CLGN: variants seen among roughly 807,000 people sequenced by gnomAD.
CLGN encodes calmegin.
A neutral mutation model predicts 79.1 loss-of-function variants in CLGN; 62 were observed. That is an observed-to-expected ratio of 0.78 (90% CI 0.64 to 0.97). The LOEUF is 0.97. Among genes scored for constraint, CLGN ranks in the 50% least tolerant of loss-of-function variants. The pLI, the probability that CLGN is intolerant of heterozygous loss-of-function variation, is 0.00. For missense variants in CLGN, 647 were observed against 715.5 expected (o/e 0.90, Z 1.09); for synonymous variants, 225 against 224.7 (o/e 1.00, Z -0.01).
chr4:140,397,890 C>G (rs990407938), intron 8 of CLGN, among the ~76,000 whole-genome samples: 2 of 152,174 alleles, frequency 1.3e-5, no homozygotes, highest in African/African-American at 4.8e-5. Context: ...GGTGACAGAG[C>G]GAGATTCCAT....
chr4:140,394,763 C>CAT (rs924475057), intron 10 of CLGN, among the ~76,000 whole-genome samples: 2 of 152,112 alleles, frequency 1.3e-5, no homozygotes, highest in Non-Finnish European at 2.9e-5. Context: ...TATGAAACTG[C>CAT]ATATATATAA....
At chr4:140,400,052 A>C (rs1728969278) in intron 7 of CLGN, among the ~76,000 whole-genome samples, 1 of 152,042 alleles carries the variant, frequency 6.6e-6, no homozygotes, top group African/African-American at 2.4e-5. Flanking sequence ...ATGTCCTTTC[A>C]CCCTACTGTC....
At position 140,396,245 on chromosome 4, in the gene CLGN, G is replaced by C. The variant is rs561949197; in HGVS notation, c.885-40C>G. 4.5e-5 allele frequency: 65 copies of C among 1,435,772 alleles called. 2 individuals are homozygous for C. In the South Asian group the frequency reaches 7.5e-4, roughly 17 times the overall value. 88.9% of individuals were successfully genotyped at this position (1,435,772 alleles called of 1,614,324 possible). A position where few individuals can be genotyped will look rare whatever the true frequency, so the allele number is the denominator to read the frequency against. The stretch of plus-strand genomic sequence containing the variant: ...TTTTATATTACTAATTATTCAGAAA[G>C]TTTAAAAATGCATGTTACAACACTA... On this transcript the variant is annotated intron_variant, in intron 8 of 14. Transcript: ENST00000325617.
intron 11 of CLGN, 27 bp from the exon 12 acceptor site, chr4:140,392,738 C>A (rs1158496775): frequency 1.3e-6 from 2 of 1,535,022 alleles, no homozygotes; most frequent in Non-Finnish European, 1.7e-6. Flanking sequence ...CATAAAAATG[C>A]AATTCAAATT....
intron 4 of CLGN, 71 bp from the exon 5 acceptor site, chr4:140,406,154 G>A (rs796771504): frequency 3.5e-6 from 5 of 1,447,190 alleles, no homozygotes; most frequent in Admixed American, 2.3e-5. Flanking sequence ...ATCAGCAGTT[G>A]TGAACAATAA....
At chr4:140,423,379 T>C (rs185647406) in intron 1 of CLGN, among the ~76,000 whole-genome samples, 195 of 152,360 alleles carry the variant, frequency 1.3e-3, no homozygotes, top group African/African-American at 4.6e-3. Flanking sequence ...ATTTTAGGAA[T>C]AAATCCAACA....
intron 5 of CLGN, among the ~76,000 whole-genome samples, chr4:140,404,123 T>C (rs952333219): frequency 1.7e-4 from 26 of 152,172 alleles, no homozygotes; most frequent in African/African-American, 5.8e-4. Flanking sequence ...TCTCACTCTG[T>C]TGCCCAGTTG....
At chr4:140,427,030 C>T (rs1729581334) in intron 1 of CLGN, among the ~76,000 whole-genome samples, 1 of 152,174 alleles carries the variant, frequency 6.6e-6, no homozygotes, top group Non-Finnish European at 1.5e-5. Flanking sequence ...ATTTTGATCT[C>T]GTTTGGGTTT....
chr4:140,407,659 A>G (rs1180526641), intron 4 of CLGN, among the ~76,000 whole-genome samples: 1 of 152,130 alleles, frequency 6.6e-6, no homozygotes. Flanking sequence ...GGAGGACTAC[A>G]AAACACTGCT....
chr4:140,424,827 A>G (rs1266708314), intron 1 of CLGN, among the ~76,000 whole-genome samples: 1 of 152,198 alleles, frequency 6.6e-6, no homozygotes, highest in Non-Finnish European at 1.5e-5. Context: ...TGTTCTCTGC[A>G]CTGCTTCTGT....
intron 1 of CLGN, among the ~76,000 whole-genome samples, chr4:140,414,015 C>T (rs1361422856): frequency 2.0e-5 from 3 of 152,234 alleles, no homozygotes; most frequent in Admixed American, 6.5e-5. Context: ...GATCTGAGAA[C>T]GGGCAGACTG....
At chr4:140,425,595 T>G (rs1729550941) in intron 1 of CLGN, among the ~76,000 whole-genome samples, 1 of 151,826 alleles carries the variant, frequency 6.6e-6, no homozygotes, top group Non-Finnish European at 1.5e-5. Context: ...AGTCACTTTA[T>G]GTTTCTGTGA....
At position 140,392,371 on chromosome 4, in the gene CLGN, T is replaced by C. The variant is rs1405061426; in HGVS notation, c.1499A>G (p.His500Arg). ...FCWPRKVKKK[H>R]KDTEYKKTDI... Reference sequence around the variant, plus strand: ...GGTTTTTTTATACTCTGTATCTTTATGTTTTTTCTGTGGTAGTTAACATAA... The same window carrying C: ...GGTTTTTTTATACTCTGTATCTTTACGTTTTTTCTGTGGTAGTTAACATAA... Residue 500 changes from histidine to arginine, a missense_variant, in exon 13 of 15, where the codon CAT (histidine) becomes CGT (arginine). Transcript: ENST00000325617. 2 of 1,588,884 alleles carry C rather than the reference T, an allele frequency of 1.3e-6. No homozygotes were observed. Among genetic ancestry groups the C allele is most frequent in the South Asian group, 1.2e-5 (1 of 84,692 alleles).
chr4:140,392,265 G>T lies in CLGN; in HGVS notation c.1605C>A (p.Asp535Glu), dbSNP rs1332443361. ...EEKAALEKPM[D>E]LEEEKKQNDG... ...CATTTTGCTTTTTTTCCTCTTCCAG[G>T]TCCATTGGTTTTTCCAGGGCTGCTT... Residue 535 changes from aspartate (D) to glutamate (E), a missense_variant, in exon 13 of 15, where the codon GAC (aspartate) becomes GAA (glutamate). Coordinates refer to ENST00000325617, the MANE Select transcript of CLGN (RefSeq NM_004362.3). 6.2e-7 allele frequency: 1 copy of T among 1,612,662 alleles called. No individual in the cohort carries two copies. Among genetic ancestry groups the T allele is most frequent in the Non-Finnish European group, 8.5e-7 (1 of 1,179,388 alleles).
At chr4:140,396,349 T>C in intron 8 of CLGN, 144 bp from the exon 9 acceptor site, 1 of 707,076 alleles carries the variant, frequency 1.4e-6, no homozygotes, top group South Asian at 1.8e-5. Flanking sequence ...CCTAAATCTT[T>C]TGCTAACTTG....
At chr4:140,407,283 G>T (rs979071381) in intron 4 of CLGN, among the ~76,000 whole-genome samples, 1 of 151,832 alleles carries the variant, frequency 6.6e-6, no homozygotes, top group African/African-American at 2.4e-5. Flanking sequence ...CCCTATAAAG[G>T]TCTTATTTTA....
At chr4:140,422,123 A>T (rs1729482097) in intron 1 of CLGN, among the ~76,000 whole-genome samples, 1 of 152,158 alleles carries the variant, frequency 6.6e-6, no homozygotes, top group African/African-American at 2.4e-5. Context: ...TCTTTATTGT[A>T]TCCCATTGAT....
chr4:140,419,213 G>A (rs779408692), intron 1 of CLGN, among the ~76,000 whole-genome samples: 4 of 151,830 alleles, frequency 2.6e-5, no homozygotes, highest in Non-Finnish European at 5.9e-5. Context: ...TGGGGTGGGG[G>A]AACGGGGGAG....
chr4:140,404,295 A>G lies in CLGN; in HGVS notation c.419+1647T>C, dbSNP rs545737981. On this transcript the variant is annotated intron_variant, in intron 5 of 14. Transcript: ENST00000325617. ...TTTTTAGTAGAGACAGGGTTTCACC[A>G]TGTTAGACAGGATGGTCTTGATCTC... Among the ~76,000 whole-genome samples, 45 of 152,094 alleles carry G rather than the reference A, an allele frequency of 3.0e-4. 1 individual carries two copies. In the South Asian group the frequency reaches 4.8e-3, roughly 16 times the overall value.
Sources: allele counts gnomAD v4.1 joint callset (sites outside exome capture counted in the v4.1 genomes callset), GRCh38; gene constraint gnomAD v4.1.1; transcripts MANE v1.5; gene names NCBI Gene and HGNC (gene_info 2026-07-23, HGNC 2026-07-21).